Variants in PPARD observed in about 807,000 individuals in gnomAD.
PPARD encodes the protein peroxisome proliferator activated receptor delta, also known as peroxisome proliferator-activated receptor delta.
In PPARD, 6 loss-of-function variants were observed where a neutral mutation model predicts 39.5. That is an observed-to-expected ratio of 0.15 (90% CI 0.08 to 0.30). PPARD has a LOEUF of 0.30. Ranked by LOEUF, PPARD falls within the 10% of genes least tolerant of loss-of-function variation. The probability of loss-of-function intolerance (pLI) is 1.00; values close to 1 mark genes in which losing one functional copy is unlikely to be tolerated. For synonymous variants in PPARD, 210 were observed against 231.3 expected (o/e 0.91, Z 0.83); for missense variants, 397 against 596.8 (o/e 0.67, Z 3.49).
chr6:35,375,558 T>C (rs1367222603), intron 2 of PPARD, among the ~76,000 whole-genome samples: 2 of 152,026 alleles, frequency 1.3e-5, no homozygotes, highest in Admixed American at 6.6e-5. Context: ...CCGTTGTTTT[T>C]TTCTTTTTTG....
intron 2 of PPARD, among the ~76,000 whole-genome samples, chr6:35,380,486 T>TG (rs1763092378): frequency 1.6e-5 from 2 of 126,832 alleles, no homozygotes; most frequent in African/African-American, 3.6e-5. Context: ...GTTTTTTTTT[T>TG]TTTTTTTTTT....
intron 3 of PPARD, among the ~76,000 whole-genome samples, chr6:35,419,005 G>A (rs1188961646): frequency 6.6e-6 from 1 of 152,178 alleles, no homozygotes; most frequent in Non-Finnish European, 1.5e-5. Flanking sequence ...GTACTCCCAT[G>A]GTGGGGAAAT....
rs1554205523 is a variant in PPARD at position 35,374,316 on chromosome 6, G to GGGGA, written c.-102+27169_-102+27170insAGGG. Among the ~76,000 whole-genome samples, 27 of 150,228 alleles carry GGGGA rather than the reference G, an allele frequency of 1.8e-4. 1 individual carries two copies. The highest frequency in any genetic ancestry group is 6.5e-4 in the African/African-American group (26 of 39,894). ...TGGTTAGTTCTCGGCGGTGGGGCGG[G>GGGGA]GGGGTTTAGTGGGCAATTGCTTTTT... is the stretch of plus-strand genomic sequence containing the variant. On this transcript the variant is annotated intron_variant, in intron 2 of 7. Transcript: ENST00000360694.
At chr6:35,347,869 A>G (rs1417212567) in intron 2 of PPARD, among the ~76,000 whole-genome samples, 3 of 149,812 alleles carry the variant, frequency 2.0e-5, no homozygotes, top group Admixed American at 1.3e-4. Context: ...TCAGCCTCCC[A>G]AAGTGCTGGG....
intron 2 of PPARD, among the ~76,000 whole-genome samples, chr6:35,393,220 C>T (rs1277292606): frequency 6.6e-6 from 1 of 152,144 alleles, no homozygotes; most frequent in Non-Finnish European, 1.5e-5. Context: ...GCTCTGGCAG[C>T]CAAGTGGGCA....
rs1226913771 is a variant in PPARD at position 35,401,923 on chromosome 6, GTC to G, written c.-101-9058_-101-9057del. 6.6e-6 allele frequency among the ~76,000 whole-genome samples: 1 copy of G among 152,142 alleles called. No individual in the cohort carries two copies. Among genetic ancestry groups the G allele is most frequent in the Non-Finnish European group, 1.5e-5 (1 of 68,028 alleles). ...AGGGCTCTGGCTCGGTCTCTGGTGA[GTC>G]TCTCTGCTGGCCGGCAGAACCACCC... On this transcript the variant is annotated intron_variant, in intron 2 of 7. Coordinates refer to ENST00000360694, the MANE Select transcript of PPARD (RefSeq NM_006238.5). The surrounding 1 kb of genome is among the most constrained non-coding windows in gnomAD (Gnocchi z 4.1).
intron 2 of PPARD, among the ~76,000 whole-genome samples, chr6:35,399,774 A>G (rs1284391623): frequency 2.0e-5 from 3 of 152,204 alleles, no homozygotes; most frequent in Non-Finnish European, 4.4e-5. Flanking sequence ...AGTCATTTTC[A>G]TGAGAATCAT....
intron 3 of PPARD, among the ~76,000 whole-genome samples, chr6:35,419,498 T>A (rs988777043): frequency 2.0e-5 from 3 of 152,222 alleles, no homozygotes; most frequent in Admixed American, 2.0e-4. Flanking sequence ...AAATTCAGTG[T>A]GTTGCTTAAT....
At chr6:35,348,617 C>T (rs988390915) in intron 2 of PPARD, 15 of 985,364 alleles carry the variant, frequency 1.5e-5, no homozygotes, top group Middle Eastern at 5.2e-4. Context: ...GCTTCACTTC[C>T]CCTTCTCTGC....
rs1402974253 is a variant in PPARD, at chr6:35,363,867, A to T, written c.-102+16717A>T. 1.3e-5 allele frequency among the ~76,000 whole-genome samples: 2 copies of T among 151,722 alleles called. No homozygotes were observed. Among genetic ancestry groups the T allele is most frequent in the African/African-American group, 2.4e-5 (1 of 41,324 alleles). On this transcript the variant is annotated intron_variant, in intron 2 of 7. Transcript: ENST00000360694. This position sits in a 1 kb window ranked among gnomAD's most constrained non-coding sequence, Gnocchi z 4.5. ...TATAGTTCACATAACCAAATTCACCACTTTAAAGTGTGTACTTTGATGGTT... is the reference window on the plus strand; with the variant it reads ...TATAGTTCACATAACCAAATTCACCTCTTTAAAGTGTGTACTTTGATGGTT...
chr6:35,390,809 G>A (rs1364267309), intron 2 of PPARD, among the ~76,000 whole-genome samples: 1 of 152,160 alleles, frequency 6.6e-6, no homozygotes, highest in Admixed American at 6.5e-5. Context: ...GATGGCTTGA[G>A]CTCAGGAGTT....
At chr6:35,382,609 T>A (rs1233903039) in intron 2 of PPARD, among the ~76,000 whole-genome samples, 1 of 152,232 alleles carries the variant, frequency 6.6e-6, no homozygotes, top group Non-Finnish European at 1.5e-5. Flanking sequence ...TCTATTGCTG[T>A]TTCCTTTGGG....
chr6:35,426,276 C>G lies in PPARD; in HGVS notation c.*197C>G, dbSNP rs1040724976. On this transcript the variant is annotated 3_prime_UTR_variant, in exon 8 of 8. Coordinates refer to ENST00000360694, the MANE Select transcript of PPARD (RefSeq NM_006238.5). ...CCGCTTCCTCCAGCCAGCTCTCTTCCTGTCTTTGTTGTCTCCCTCTTTCTC... is the reference window on the plus strand; with the variant it reads ...CCGCTTCCTCCAGCCAGCTCTCTTCGTGTCTTTGTTGTCTCCCTCTTTCTC... 1 of 661,970 alleles carries G rather than the reference C, an allele frequency of 1.5e-6. No homozygotes were observed. The highest frequency in any genetic ancestry group is 1.8e-5 in the African/African-American group (1 of 54,838). 41.0% of individuals were successfully genotyped at this position (661,970 alleles called of 1,614,324 possible).
chr6:35,425,813 G>T lies in PPARD; in HGVS notation c.1079-19G>T, dbSNP rs746489247. On this transcript the variant is annotated intron_variant, in intron 7 of 7. Transcript: ENST00000360694. The surrounding 1 kb of genome is among the most constrained non-coding windows in gnomAD (Gnocchi z 4.5). ...CCACTGCCTTTCTGAGCTCCCTGGCGTGCCCTGTGTCCCCACAGACCGGCC... is the reference window on the plus strand; with the variant it reads ...CCACTGCCTTTCTGAGCTCCCTGGCTTGCCCTGTGTCCCCACAGACCGGCC... The T allele has an allele frequency of 3.1e-6, 5 of 1,612,238 alleles. No individual in the cohort carries two copies. In the African/African-American group the frequency reaches 4.0e-5, roughly 13 times the overall value.
At chr6:35,417,987 C>G (rs1159205611) in intron 3 of PPARD, among the ~76,000 whole-genome samples, 1 of 152,120 alleles carries the variant, frequency 6.6e-6, no homozygotes, top group Non-Finnish European at 1.5e-5. Context: ...CACCTGCTGA[C>G]CTTCCATGGC....
chr6:35,374,316 G>GGGGGGGGGT (rs1762669568), intron 2 of PPARD, among the ~76,000 whole-genome samples: 5 of 150,118 alleles, frequency 3.3e-5, no homozygotes, highest in African/African-American at 1.3e-4. Flanking sequence ...GGTGGGGCGG[G>GGGGGGGGGT]GGGGTTTAGT....
intron 2 of PPARD, among the ~76,000 whole-genome samples, chr6:35,406,632 A>G (rs1222652487): frequency 6.6e-6 from 1 of 152,114 alleles, no homozygotes; most frequent in Non-Finnish European, 1.5e-5. Flanking sequence ...AGAAGAGACA[A>G]TTCCAGGCTA....
intron 2 of PPARD, among the ~76,000 whole-genome samples, chr6:35,407,290 C>T (rs932978717): frequency 6.6e-6 from 1 of 152,166 alleles, no homozygotes; most frequent in African/African-American, 2.4e-5. Context: ...CACTGACACC[C>T]ACGCCACATG....
In PPARD at chr6:35,358,309, T is replaced by G. The variant is rs80282550; in HGVS notation, c.-102+11159T>G. Among the ~76,000 whole-genome samples the G allele has an allele frequency of 6.4e-4, 98 of 152,344 alleles. No individual in the cohort carries two copies. The East Asian group carries it at 0.015, about 23-fold the overall frequency. On this transcript the variant is annotated intron_variant, in intron 2 of 7. Coordinates refer to ENST00000360694, the MANE Select transcript of PPARD (RefSeq NM_006238.5). Reference sequence around the variant, plus strand: ...GCTGGAAAAGGCAAGGAAACTGTTTTCCCTTAGAACCTCTGGAGGAAGTGT... The same window carrying G: ...GCTGGAAAAGGCAAGGAAACTGTTTGCCCTTAGAACCTCTGGAGGAAGTGT...
Sources: allele counts gnomAD v4.1 joint callset (sites outside exome capture counted in the v4.1 genomes callset), GRCh38; gene constraint gnomAD v4.1.1; non-coding constraint Gnocchi (gnomAD v3.1); transcripts MANE v1.5; gene names NCBI Gene and HGNC (gene_info 2026-07-23, HGNC 2026-07-21).